PIP4K2A: variants seen among roughly 807,000 people sequenced by gnomAD.
The protein encoded by PIP4K2A is phosphatidylinositol 5-phosphate 4-kinase type-2 alpha.
PIP4K2A carries 14 observed loss-of-function variants against 42.9 expected under a neutral mutation model. The observed-to-expected ratio is 0.33, with a 90% CI of 0.22 to 0.51. PIP4K2A has a LOEUF of 0.51. Among genes scored for constraint, PIP4K2A ranks in the 20% least tolerant of loss-of-function variants. The pLI is 0.97. For synonymous variants in PIP4K2A, 192 were observed against 192.2 expected, an observed-to-expected ratio of 1.00 and a Z score of 0.01; for missense variants, 434 against 519.8, an observed-to-expected ratio of 0.83 and a Z score of 1.61.
chr10:22,680,910 T>C (rs1033726304), intron 1 of PIP4K2A, among the ~76,000 whole-genome samples: 1 of 152,186 alleles, frequency 6.6e-6, no homozygotes, highest in African/African-American at 2.4e-5. Context: ...TCTTCCTGCA[T>C]GTAGCAAGCC....
intron 1 of PIP4K2A, among the ~76,000 whole-genome samples, chr10:22,686,124 C>T (rs909518209): frequency 1.3e-5 from 2 of 152,126 alleles, no homozygotes; most frequent in African/African-American, 2.4e-5. Context: ...CTGTCTATCA[C>T]TGTGGAAAAC....
intron 3 of PIP4K2A, among the ~76,000 whole-genome samples, chr10:22,602,436 AG>A (rs1383431280): frequency 1.3e-5 from 2 of 151,512 alleles, no homozygotes. Context: ...AGAAAGAAAA[AG>A]AAAAAAGAAA....
At position 22,604,009 on chromosome 10, in the gene PIP4K2A, G is replaced by GCACA. The variant is rs10571071; in HGVS notation, c.339+3914_339+3917dup. On this transcript the variant is annotated intron_variant, in intron 3 of 9. Coordinates refer to ENST00000376573, the MANE Select transcript of PIP4K2A (RefSeq NM_005028.5). The stretch of plus-strand genomic sequence containing the variant: ...CATGCGCGAGCACACACGCGCGCAC[G>GCACA]CACACACACACACACACACACACAC... Among the ~76,000 whole-genome samples, 901 of 149,668 alleles carry GCACA rather than the reference G, an allele frequency of 6.0e-3. 7 individuals carry two copies. Among genetic ancestry groups the GCACA allele is most frequent in the African/African-American group, 0.02 (814 of 40,956 alleles).
chr10:22,627,492 T>G, intron 1 of PIP4K2A, among the ~76,000 whole-genome samples: 1 of 150,446 alleles, frequency 6.6e-6, no homozygotes, highest in Non-Finnish European at 1.5e-5. Context: ...ATATCTCTTT[T>G]ACATAAACTC....
chr10:22,579,084 A>G (rs1837192519), intron 4 of PIP4K2A, among the ~76,000 whole-genome samples: 1 of 152,240 alleles, frequency 6.6e-6, no homozygotes, highest in African/African-American at 2.4e-5. Flanking sequence ...GAAAAAAGGC[A>G]TATGTCGGGC....
rs1835954968 is a variant in PIP4K2A, at chr10:22,537,134, A to T, written c.*67T>A. The stretch of plus-strand genomic sequence containing the variant: ...GAGTACTTCACTGAGTTTGGTTTTC[A>T]TTTTTCCTACACCGAAGCCACCTCT... On this transcript the variant is annotated 3_prime_UTR_variant, in exon 10 of 10. Transcript: ENST00000376573. 4.7e-6 allele frequency: 6 copies of T among 1,275,684 alleles called. No homozygotes were observed. Among genetic ancestry groups the T allele is most frequent in the Non-Finnish European group, 6.7e-6 (6 of 901,696 alleles). 79.0% of individuals were successfully genotyped at this position (1,275,684 alleles called of 1,614,324 possible).
At chr10:22,599,504 G>T (rs1028319112) in intron 3 of PIP4K2A, among the ~76,000 whole-genome samples, 1 of 152,214 alleles carries the variant, frequency 6.6e-6, no homozygotes, top group African/African-American at 2.4e-5. Flanking sequence ...GATGAGTGAG[G>T]TGACCTGGCA....
intron 1 of PIP4K2A, among the ~76,000 whole-genome samples, chr10:22,643,944 C>T (rs1304094575): frequency 6.6e-6 from 1 of 152,144 alleles, no homozygotes; most frequent in Non-Finnish European, 1.5e-5. Context: ...CTCCAGAACC[C>T]AGCCTGCCCC....
At chr10:22,710,550 A>G (rs1177986689) in intron 1 of PIP4K2A, among the ~76,000 whole-genome samples, 1 of 152,206 alleles carries the variant, frequency 6.6e-6, no homozygotes, top group Non-Finnish European at 1.5e-5. Context: ...TGCTCTGTGG[A>G]GGAACCAGCC....
chr10:22,553,789 C>CTTT (rs3074629), intron 6 of PIP4K2A, among the ~76,000 whole-genome samples: 4 of 118,518 alleles, frequency 3.4e-5, no homozygotes, highest in Admixed American at 9.0e-5. Flanking sequence ...GGTTGAAAAA[C>CTTT]TTTTTTTTTT....
rs115586731 is a variant in PIP4K2A, at chr10:22,610,876, G to C, written c.145-1159C>G. Among the ~76,000 whole-genome samples the C allele has an allele frequency of 8.3e-3, 1,263 of 152,296 alleles. 14 individuals carry two copies. Among genetic ancestry groups the C allele is most frequent in the African/African-American group, 0.028 (1,180 of 41,566 alleles). On this transcript the variant is annotated intron_variant, in intron 1 of 9. Transcript: ENST00000376573. ...TGATCTCCGGAGGAGAGCAACCCCT[G>C]CCAGGCCTCCAGGCTTCCCACAGAT...
intron 1 of PIP4K2A, among the ~76,000 whole-genome samples, chr10:22,680,105 T>A (rs986334733): frequency 6.6e-6 from 1 of 150,980 alleles, no homozygotes; most frequent in East Asian, 1.9e-4. Context: ...AGGATTCCTT[T>A]AAAAAAAAAT....
intron 1 of PIP4K2A, among the ~76,000 whole-genome samples, chr10:22,665,172 C>G (rs77315984): frequency 0.062 from 9,391 of 152,202 alleles, 388 homozygotes; most frequent in African/African-American, 0.12. Flanking sequence ...ACTTTTTTCC[C>G]TCTAACCAAC....
At chr10:22,656,724 G>A (rs928484836) in intron 1 of PIP4K2A, among the ~76,000 whole-genome samples, 2 of 151,580 alleles carry the variant, frequency 1.3e-5, no homozygotes, top group African/African-American at 4.9e-5. Flanking sequence ...TTGAACCTGG[G>A]AGGCGGAGGT....
rs368261224 is a variant in PIP4K2A, at chr10:22,664,104, C to CAT, written c.144+50077_144+50078dup. Among the ~76,000 whole-genome samples the CAT allele has an allele frequency of 1.4e-3, 70 of 50,344 alleles. 2 individuals carry two copies. Among genetic ancestry groups the CAT allele is most frequent in the African/African-American group, 8.2e-3 (34 of 4,138 alleles). 33.0% of individuals were successfully genotyped at this position (50,344 alleles called of 152,430 possible). On this transcript the variant is annotated intron_variant, in intron 1 of 9. Transcript: ENST00000376573. The stretch of plus-strand genomic sequence containing the variant: ...ATATATATATACATATATATATATA[C>CAT]ATATATATATACATATATATATATA...
chr10:22,653,257 T>G (rs1200028525), intron 1 of PIP4K2A, among the ~76,000 whole-genome samples: 1 of 151,630 alleles, frequency 6.6e-6, no homozygotes, highest in Non-Finnish European at 1.5e-5. Flanking sequence ...TTGCCTCAGG[T>G]GGGGGGCAGT....
At chr10:22,698,516 A>G (rs1409999338) in intron 1 of PIP4K2A, among the ~76,000 whole-genome samples, 1 of 152,232 alleles carries the variant, frequency 6.6e-6, no homozygotes, top group East Asian at 1.9e-4. Context: ...AGATGCTGAC[A>G]GCAACATTAT....
In PIP4K2A at chr10:22,591,900, G is replaced by C. The variant is rs192029159; in HGVS notation, c.340-119C>G. 278 of 830,510 alleles carry C rather than the reference G, an allele frequency of 3.3e-4. 2 individuals carry two copies. In the East Asian group the frequency reaches 3.5e-3, roughly 10 times the overall value. 51.4% of individuals were successfully genotyped at this position (830,510 alleles called of 1,614,324 possible). ...AAGTTTTCAAAAACATTTGTGTGTG[G>C]GATAAATTGATAAGTAGGATGACAA... On this transcript the variant is annotated intron_variant, in intron 3 of 9. Transcript: ENST00000376573.
At chr10:22,643,257 G>A (rs1838815691) in intron 1 of PIP4K2A, among the ~76,000 whole-genome samples, 1 of 152,094 alleles carries the variant, frequency 6.6e-6, no homozygotes, top group Non-Finnish European at 1.5e-5. Flanking sequence ...GGCAAATCTG[G>A]CCGCTGGCTG....
Sources: allele counts gnomAD v4.1 joint callset (sites outside exome capture counted in the v4.1 genomes callset), GRCh38; gene constraint gnomAD v4.1.1; transcripts MANE v1.5; gene names NCBI Gene and HGNC (gene_info 2026-07-23, HGNC 2026-07-21).